SHC3: variants seen among roughly 807,000 people sequenced by gnomAD.
SHC3 encodes the protein SHC adaptor protein 3, also known as SHC-transforming protein 3.
Under a neutral mutation model 60.4 loss-of-function variants are expected in SHC3, and 15 were observed. The observed-to-expected ratio is 0.25, with a 90% CI of 0.17 to 0.38. The LOEUF is 0.38. SHC3 is among the 10% of genes least tolerant of loss of function. The probability of loss-of-function intolerance (pLI) is 1.00; values close to 1 mark genes in which losing one functional copy is unlikely to be tolerated. For missense variants in SHC3, 677 were observed against 786.1 expected (o/e 0.86, Z 1.66); for synonymous variants, 294 against 325.9 (o/e 0.90, Z 1.05).
At chr9:89,169,701 G>A (rs1268128101) in intron 1 of SHC3, among the ~76,000 whole-genome samples, 3 of 152,152 alleles carry the variant, frequency 2.0e-5, no homozygotes, top group Non-Finnish European at 4.4e-5. Flanking sequence ...AGTGCAAGGC[G>A]GGGGTGGGGT....
intron 2 of SHC3, among the ~76,000 whole-genome samples, chr9:89,086,531 C>T (rs1047900480): frequency 6.6e-6 from 1 of 152,222 alleles, no homozygotes; most frequent in African/African-American, 2.4e-5. Context: ...AGAGGACCCT[C>T]TGCATGTTTA....
rs925296284 is a variant in SHC3, at chr9:89,011,181, C to T, written c.*2266G>A. ...GAATTAATATTAAAAAGAAAAAATT[C>T]GACTCCAATACTTTAAATTTTCTAA... On this transcript the variant is annotated 3_prime_UTR_variant, in exon 12 of 12. Coordinates refer to ENST00000375835, the MANE Select transcript of SHC3 (RefSeq NM_016848.6). The T allele has an allele frequency of 2.2e-4, 34 of 152,070 alleles. No homozygotes were observed. The highest frequency in any genetic ancestry group is 7.2e-4 in the African/African-American group (30 of 41,390). The allele number at this position is 152,070 out of a possible 1,614,324, so 9.4% of individuals were successfully genotyped here. A position where few individuals can be genotyped will look rare whatever the true frequency, so the allele number is the denominator to read the frequency against.
At chr9:89,163,765 A>T (rs1005349334) in intron 1 of SHC3, among the ~76,000 whole-genome samples, 2 of 151,998 alleles carry the variant, frequency 1.3e-5, no homozygotes, top group African/African-American at 4.8e-5. Context: ...AAAGAAAAAA[A>T]ATATACCACA....
chr9:89,060,232 G>A (rs1237655036), intron 6 of SHC3, among the ~76,000 whole-genome samples: 4 of 150,214 alleles, frequency 2.7e-5, no homozygotes, highest in African/African-American at 7.4e-5. Context: ...GTGGAGGACG[G>A]TGATGGAGGA....
intron 2 of SHC3, among the ~76,000 whole-genome samples, chr9:89,093,273 A>C (rs2118057548): frequency 6.6e-6 from 1 of 152,326 alleles, no homozygotes; most frequent in Non-Finnish European, 1.5e-5. Flanking sequence ...ATTTGTACAG[A>C]ATTGCATAGA....
intron 10 of SHC3, among the ~76,000 whole-genome samples, chr9:89,039,228 C>A (rs1824635010): frequency 6.6e-6 from 1 of 152,230 alleles, no homozygotes; most frequent in Non-Finnish European, 1.5e-5. Context: ...CATAACTACA[C>A]CCTCAGAGCC....
At chr9:89,053,111 A>G (rs540433179) in intron 6 of SHC3, among the ~76,000 whole-genome samples, 8 of 152,322 alleles carry the variant, frequency 5.3e-5, no homozygotes, top group African/African-American at 1.9e-4. Context: ...TCCCTCCTGA[A>G]GGAGCCACAG....
chr9:89,119,833 A>C (rs575833492), intron 1 of SHC3, among the ~76,000 whole-genome samples: 1 of 152,374 alleles, frequency 6.6e-6, no homozygotes, highest in South Asian at 2.1e-4. Context: ...ATTTCTGAAG[A>C]AGATAAAAAG....
intron 7 of SHC3, among the ~76,000 whole-genome samples, chr9:89,049,679 G>C (rs746926222): frequency 2.6e-5 from 4 of 152,186 alleles, no homozygotes; most frequent in East Asian, 1.9e-4. Flanking sequence ...TGGCCTAAAG[G>C]TTTCTCTGTA....
chr9:89,168,506 A>G (rs1587768044), intron 1 of SHC3, among the ~76,000 whole-genome samples: 2 of 152,196 alleles, frequency 1.3e-5, no homozygotes, highest in East Asian at 3.8e-4. Context: ...CAGGAATAAT[A>G]ATAACATCTG....
intron 1 of SHC3, among the ~76,000 whole-genome samples, chr9:89,157,179 G>A (rs1239851275): frequency 6.6e-6 from 1 of 152,136 alleles, no homozygotes; most frequent in African/African-American, 2.4e-5. Flanking sequence ...ACTGCACTGG[G>A]TGAGTGGACC....
At chr9:89,165,444 A>G (rs1826772790) in intron 1 of SHC3, among the ~76,000 whole-genome samples, 1 of 143,430 alleles carries the variant, frequency 7.0e-6, no homozygotes, top group Non-Finnish European at 1.5e-5. Context: ...AGGCTGTATC[A>G]TTTTTTTCTC....
intron 6 of SHC3, among the ~76,000 whole-genome samples, chr9:89,062,034 G>A (rs1216782639): frequency 6.6e-6 from 1 of 152,188 alleles, no homozygotes; most frequent in Non-Finnish European, 1.5e-5. Context: ...GAGGGCGCCT[G>A]ATCAGGGATA....
chr9:89,092,742 G>GTGTGTGTGTGTGTGTGTGTA, intron 2 of SHC3, among the ~76,000 whole-genome samples: 1 of 129,716 alleles, frequency 7.7e-6, no homozygotes, highest in East Asian at 2.0e-4. Flanking sequence ...GAAGGAAGGT[G>GTGTGTGTGTGTGTGTGTGTA]TGTGTGTGTG....
At chr9:89,158,044 C>G (rs1826651041) in intron 1 of SHC3, among the ~76,000 whole-genome samples, 1 of 151,272 alleles carries the variant, frequency 6.6e-6, no homozygotes, top group South Asian at 2.1e-4. Context: ...TTATTGCCTT[C>G]CTTCTGCTTG....
At chr9:89,153,514 G>A (rs1826575621) in intron 1 of SHC3, among the ~76,000 whole-genome samples, 1 of 152,186 alleles carries the variant, frequency 6.6e-6, no homozygotes, top group Non-Finnish European at 1.5e-5. Context: ...TTTGCCTTTT[G>A]TGATTGGCTC....
rs977109958 is a variant in SHC3 at position 89,061,796 on chromosome 9, G to A, written c.835+3733C>T. ...CATCCTGTCCAGTCCTTCTCAGGAC[G>A]TGAATCCTCGCTCTGTCCCAAGTAT... On this transcript the variant is annotated intron_variant, in intron 6 of 11. Coordinates refer to ENST00000375835, the MANE Select transcript of SHC3 (RefSeq NM_016848.6). Among the ~76,000 whole-genome samples the A allele has an allele frequency of 5.9e-5, 9 of 152,194 alleles. No individual in the cohort carries two copies. In the East Asian group the frequency reaches 9.6e-4, roughly 16 times the overall value.
At chr9:89,102,749 A>T (rs1265959008) in intron 2 of SHC3, among the ~76,000 whole-genome samples, 1 of 152,228 alleles carries the variant, frequency 6.6e-6, no homozygotes, top group Admixed American at 6.5e-5. Flanking sequence ...TGAGAAAAAA[A>T]CATTGGTTTT....
chr9:89,016,258 G>C (rs748036961), intron 11 of SHC3, among the ~76,000 whole-genome samples: 23 of 152,064 alleles, frequency 1.5e-4, no homozygotes, highest in Non-Finnish European at 2.4e-4. Context: ...AGACAATAAA[G>C]AAATACAGGA....
Sources: allele counts gnomAD v4.1 joint callset (sites outside exome capture counted in the v4.1 genomes callset), GRCh38; gene constraint gnomAD v4.1.1; transcripts MANE v1.5; gene names NCBI Gene and HGNC (gene_info 2026-07-23, HGNC 2026-07-21).